SCG3: variants seen among roughly 807,000 people sequenced by gnomAD.
The protein encoded by SCG3 is secretogranin-3.
A neutral mutation model predicts 56.2 loss-of-function variants in SCG3; 38 were observed. That is an observed-to-expected ratio of 0.68 (90% CI 0.52 to 0.89). SCG3 has a LOEUF of 0.89. Among genes scored for constraint, SCG3 ranks in the 40% least tolerant of loss-of-function variants. The pLI is 0.00. For synonymous variants in SCG3, 176 were observed against 184.2 expected, an observed-to-expected ratio of 0.96 and a Z score of 0.36; for missense variants, 524 against 540.7, an observed-to-expected ratio of 0.97 and a Z score of 0.31.
chr15:51,706,332 A>G (rs1358499354), intron 10 of SCG3, among the ~76,000 whole-genome samples: 4 of 152,186 alleles, frequency 2.6e-5, no homozygotes, highest in Non-Finnish European at 5.9e-5. Context: ...TTGAGGACTC[A>G]AGCAAGCTTT....
At chr15:51,712,924 C>T (rs1178024704) in intron 10 of SCG3, among the ~76,000 whole-genome samples, 1 of 152,168 alleles carries the variant, frequency 6.6e-6, no homozygotes, top group East Asian at 1.9e-4. Flanking sequence ...AAGTATCTGC[C>T]ACTCTCATTC....
intron 10 of SCG3, among the ~76,000 whole-genome samples, chr15:51,705,483 G>A (rs1035295722): frequency 1.3e-5 from 2 of 151,968 alleles, no homozygotes; most frequent in Non-Finnish European, 2.9e-5. Flanking sequence ...GGGGAGAGAG[G>A]AAGAGAGTAG....
At chr15:51,710,694 C>G (rs2055414833) in intron 10 of SCG3, among the ~76,000 whole-genome samples, 2 of 151,980 alleles carry the variant, frequency 1.3e-5, no homozygotes, top group Non-Finnish European at 2.9e-5. Flanking sequence ...TCAAGCAGTC[C>G]TCCCACCTCA....
chr15:51,699,596 A>G (rs1012249915), intron 9 of SCG3, among the ~76,000 whole-genome samples, 194 bp downstream of exon 9: 2 of 152,228 alleles, frequency 1.3e-5, no homozygotes, highest in South Asian at 2.1e-4. Flanking sequence ...TCTGACCTCA[A>G]AAAACATTGA....
At chr15:51,710,369 C>CATGT (rs1433525550) in intron 10 of SCG3, among the ~76,000 whole-genome samples, 5 of 152,150 alleles carry the variant, frequency 3.3e-5, no homozygotes, top group African/African-American at 1.2e-4. Context: ...CTGTCCTAAT[C>CATGT]ATGTATGTTA....
rs1208877800 is a variant in SCG3 at position 51,692,234 on chromosome 15, A to T, written c.766A>T (p.Thr256Ser). 6.2e-7 allele frequency: 1 copy of T among 1,614,018 alleles called. No homozygotes were observed. Among genetic ancestry groups the T allele is most frequent in the Non-Finnish European group, 8.5e-7 (1 of 1,179,972 alleles). Residue 256 changes from threonine to serine, a missense_variant, in exon 7 of 12, where the codon ACA becomes TCA. By Grantham distance (58) the Thr-to-Ser change is moderately conservative. Coordinates refer to ENST00000220478, the MANE Select transcript of SCG3 (RefSeq NM_013243.4). ...AACAGTATCTAACACATTAACCTTG[A>T]CAAATGGCTTGGAAAGGAGAACTAA... The part of the protein sequence containing the change: ...DETVSNTLTL[T>S]NGLERRTKTY...
chr15:51,681,740 A>C lies in SCG3; in HGVS notation c.-16A>C. Reference sequence around the variant, plus strand: ...GAGCCCAGCGCCGGGCTGTGACCCAAGCCGAGCGTGGAAGAATGGGGTTCC... The same window carrying C: ...GAGCCCAGCGCCGGGCTGTGACCCACGCCGAGCGTGGAAGAATGGGGTTCC... On this transcript the variant is annotated 5_prime_UTR_variant, in exon 1 of 12. Transcript: ENST00000220478. 9 of 1,611,124 alleles carry C rather than the reference A, an allele frequency of 5.6e-6. No individual in the cohort carries two copies. The highest frequency in any genetic ancestry group is 7.6e-6 in the Non-Finnish European group (9 of 1,177,508).
intron 10 of SCG3, among the ~76,000 whole-genome samples, chr15:51,709,680 TATA>T: frequency 7.8e-5 from 1 of 12,756 alleles, no homozygotes; most frequent in Middle Eastern, 0.016. Flanking sequence ...TATATATATA[TATA>T]TATATATATA....
At chr15:51,715,325 G>A (rs544023) in intron 11 of SCG3, 69,185 of 151,896 alleles carry the variant, frequency 0.46, 16,073 homozygotes, top group East Asian at 0.61. Context: ...ATATGCGCTC[G>A]GCTTGACTTG....
At chr15:51,698,110 A>T (rs2055315935) in intron 8 of SCG3, among the ~76,000 whole-genome samples, 1 of 152,244 alleles carries the variant, frequency 6.6e-6, no homozygotes, top group Non-Finnish European at 1.5e-5. Flanking sequence ...AATGCATTAC[A>T]CATTAGAATA....
intron 8 of SCG3, among the ~76,000 whole-genome samples, chr15:51,698,105 A>T (rs2055315905): frequency 6.6e-6 from 1 of 152,260 alleles, no homozygotes; most frequent in African/African-American, 2.4e-5. Flanking sequence ...AAAGCAATGC[A>T]TTACACATTA....
At chr15:51,690,366 G>A (rs2055258797) in intron 6 of SCG3, among the ~76,000 whole-genome samples, 1 of 152,026 alleles carries the variant, frequency 6.6e-6, no homozygotes, top group Admixed American at 6.6e-5. Context: ...GACCATAAGG[G>A]GATATCAAAT....
In SCG3 at chr15:51,689,179, G is replaced by A. The variant is rs370959987; in HGVS notation, c.541-40G>A. 2.6e-5 allele frequency: 41 copies of A among 1,588,050 alleles called. 1 individual carries two copies. Among genetic ancestry groups the A allele is most frequent in the Non-Finnish European group, 3.4e-5 (39 of 1,162,324 alleles). On this transcript the variant is annotated intron_variant, in intron 5 of 11. Transcript: ENST00000220478. ...ACATTATTTTTTAATAACAAGACTG[G>A]GAATATAGCAGTTATATATGTTTTG...
At chr15:51,713,682 C>T (rs2055435785) in intron 11 of SCG3, among the ~76,000 whole-genome samples, 1 of 152,174 alleles carries the variant, frequency 6.6e-6, no homozygotes, top group Admixed American at 6.5e-5. Context: ...ATAATGGATC[C>T]CTGTGTCTCC....
Position 51,682,500 on chromosome 15 carries a change from A to T in SCG3, c.83-17A>T. 7.5e-7 allele frequency: 1 copy of T among 1,341,880 alleles called. No homozygotes were observed. 83.1% of individuals were successfully genotyped at this position (1,341,880 alleles called of 1,614,324 possible). On this transcript the variant is annotated splice_polypyrimidine_tract_variant and intron_variant, in intron 1 of 11. Transcript: ENST00000220478. Reference sequence around the variant, plus strand: ...TCAACGCACAATTAAATTTATATTCACATGTGTTTATTCTAGACAAATCTC... The same window carrying T: ...TCAACGCACAATTAAATTTATATTCTCATGTGTTTATTCTAGACAAATCTC...
rs2055484237 is a variant in SCG3, at chr15:51,719,759, A to G, written c.*233A>G. ...TTGTATACAGAATCCTTATTTCCTCATAGACTTATATTTTATAATCAGAAT... is the reference window on the plus strand; with the variant it reads ...TTGTATACAGAATCCTTATTTCCTCGTAGACTTATATTTTATAATCAGAAT... On this transcript the variant is annotated 3_prime_UTR_variant, in exon 12 of 12. Transcript: ENST00000220478. 4.1e-6 allele frequency: 2 copies of G among 492,184 alleles called. No homozygotes were observed. Among genetic ancestry groups the G allele is most frequent in the Non-Finnish European group, 3.6e-6 (1 of 278,454 alleles). 30.5% of individuals were successfully genotyped at this position (492,184 alleles called of 1,614,324 possible).
intron 11 of SCG3, among the ~76,000 whole-genome samples, chr15:51,718,188 A>C (rs996942155): frequency 1.6e-5 from 2 of 122,204 alleles, no homozygotes; most frequent in African/African-American, 6.4e-5. Context: ...ATGGATGGAT[A>C]GATAGATAGA....
At chr15:51,699,780 C>T (rs1457851803) in intron 9 of SCG3, among the ~76,000 whole-genome samples, 2 of 152,040 alleles carry the variant, frequency 1.3e-5, no homozygotes, top group African/African-American at 4.8e-5. Context: ...TGTTCACTCC[C>T]CACTGCCCGC....
chr15:51,704,093 T>C (rs1031607947), intron 10 of SCG3, among the ~76,000 whole-genome samples: 6 of 151,326 alleles, frequency 4.0e-5, no homozygotes, highest in Non-Finnish European at 8.8e-5. Flanking sequence ...TGAGCAAGAG[T>C]AGGCAGAACT....
Sources: gnomAD v4.1 joint callset for allele counts (sites outside exome capture counted in the v4.1 genomes callset) on GRCh38, gnomAD v4.1.1 for gene constraint, MANE v1.5 for transcripts, NCBI Gene and HGNC (gene_info 2026-07-23, HGNC 2026-07-21) for gene names.